The following ARHGEF3 variants were observed in gnomAD, a reference collection of about 807,000 sequenced individuals.
The protein encoded by ARHGEF3 is Rho guanine nucleotide exchange factor 3.
A neutral mutation model predicts 63.2 loss-of-function variants in ARHGEF3; 28 were observed. The ratio of observed to expected loss-of-function variants is 0.44; its 90% CI spans 0.33 to 0.61. ARHGEF3 has a LOEUF of 0.61. Among genes scored for constraint, ARHGEF3 ranks in the 20% least tolerant of loss-of-function variants. The pLI is 0.03. For synonymous variants in ARHGEF3, 266 were observed against 254.2 expected (o/e 1.05, Z -0.44); for missense variants, 533 against 659.3 (o/e 0.81, Z 2.10).
rs55778548 is a variant in ARHGEF3, at chr3:57,002,424, C to CTATATATATATATATATATATATATATA, written c.62+32663_62+32664insTATATATATATATATATATATATATATA. Among the ~76,000 whole-genome samples the CTATATATATATATATATATATATATATA allele has an allele frequency of 1.6e-3, 102 of 62,758 alleles. 5 individuals are homozygous for CTATATATATATATATATATATATATATA. The highest frequency in any genetic ancestry group is 2.0e-3 in the Non-Finnish European group (59 of 28,924). The allele number at this position is 62,758 out of a possible 152,430, so 41.2% of individuals were successfully genotyped here. A position where few individuals can be genotyped will look rare whatever the true frequency, so the allele number is the denominator to read the frequency against. On this transcript the variant is annotated intron_variant, in intron 2 of 12. Transcript: ENST00000338458. The stretch of plus-strand genomic sequence containing the variant: ...TATATGCCAGGCACTGTTCTAAGCA[C>CTATATATATATATATATATATATATATA]TATATATATATATATATGCCAGGCA...
rs200065933 is a variant in ARHGEF3, at chr3:56,838,962, A to G, written c.192+43330T>C. ...CTAGGCAACATAGTGAGACCCCCCT[A>G]TCTCTACAAAAATAAAAAAAATAAA... On this transcript the variant is annotated intron_variant, in intron 4 of 12. Transcript: ENST00000338458. Among the ~76,000 whole-genome samples the G allele has an allele frequency of 2.7e-5, 4 of 150,768 alleles. No homozygotes were observed. The East Asian group carries it at 7.8e-4, about 29-fold the overall frequency.
chr3:56,881,664 G>A (rs764789214), intron 4 of ARHGEF3, among the ~76,000 whole-genome samples: 3 of 152,094 alleles, frequency 2.0e-5, no homozygotes, highest in Non-Finnish European at 4.4e-5. Context: ...AAAAAATGAG[G>A]CAAATATTTG....
rs148755973 is a variant in ARHGEF3 at position 57,007,021 on chromosome 3, G to A, written c.62+28067C>T. On this transcript the variant is annotated intron_variant, in intron 2 of 12. Coordinates refer to the ARHGEF3 transcript ENST00000338458. Reference sequence around the variant, plus strand: ...GTTCTGCCCGTGGAGGGGCCACAGGGGGCGCTCCTGGGGCGATGGTCACAC... The same window carrying A: ...GTTCTGCCCGTGGAGGGGCCACAGGAGGCGCTCCTGGGGCGATGGTCACAC... Among the ~76,000 whole-genome samples, 65 of 152,278 alleles carry A rather than the reference G, an allele frequency of 4.3e-4. No individual in the cohort carries two copies. The East Asian group carries it at 0.012, about 27-fold the overall frequency.
At chr3:56,981,074 G>T (rs1701309772) in intron 2 of ARHGEF3, among the ~76,000 whole-genome samples, 1 of 152,324 alleles carries the variant, frequency 6.6e-6, no homozygotes, top group Admixed American at 6.5e-5. Flanking sequence ...CAGCAGAGTC[G>T]CCAAGGAGCA....
At chr3:56,839,353 TC>T (rs979958559) in intron 4 of ARHGEF3, among the ~76,000 whole-genome samples, 1 of 152,184 alleles carries the variant, frequency 6.6e-6, no homozygotes, top group African/African-American at 2.4e-5. Flanking sequence ...TTTTTTATTT[TC>T]ATTTTATTTT....
chr3:56,951,616 A>C (rs764950510), intron 3 of ARHGEF3, among the ~76,000 whole-genome samples: 5 of 151,918 alleles, frequency 3.3e-5, no homozygotes, highest in Non-Finnish European at 4.4e-5. Flanking sequence ...CATAATTTAA[A>C]AATATTTGTA....
chr3:56,996,887 A>ATTG (rs199994465), intron 2 of ARHGEF3, among the ~76,000 whole-genome samples: 1 of 102,570 alleles, frequency 9.7e-6, no homozygotes, highest in East Asian at 2.5e-4. Context: ...TATTATTATT[A>ATTG]TTATTTTTTT....
intron 4 of ARHGEF3, among the ~76,000 whole-genome samples, chr3:56,823,245 GACA>G (rs778762434): frequency 1.5e-4 from 23 of 152,236 alleles, no homozygotes; most frequent in East Asian, 7.7e-4. Flanking sequence ...GGGAAAAAAA[GACA>G]ACAGCTCAAA....
intron 4 of ARHGEF3, among the ~76,000 whole-genome samples, chr3:56,753,128 A>T (rs567751397): frequency 6.6e-6 from 1 of 152,328 alleles, no homozygotes; most frequent in Non-Finnish European, 1.5e-5. Flanking sequence ...TTGAGATTCA[A>T]ATGGCTTTAT....
At chr3:56,774,926 C>CAAA in intron 1 of ARHGEF3, 7 of 995,566 alleles carry the variant, frequency 7.0e-6, no homozygotes, top group Admixed American at 8.5e-5. Flanking sequence ...ACAACAACAA[C>CAAA]AAAAAAAAAA....
intron 7 of ARHGEF3, among the ~76,000 whole-genome samples, chr3:56,743,583 T>G (rs6798079): frequency 0.011 from 1,633 of 152,278 alleles, 31 homozygotes; most frequent in African/African-American, 0.037. Flanking sequence ...ACATAACCTA[T>G]GAGGCAAATT....
At chr3:56,965,717 C>T (rs905380113) in intron 2 of ARHGEF3, among the ~76,000 whole-genome samples, 26 of 148,330 alleles carry the variant, frequency 1.8e-4, no homozygotes, top group Admixed American at 2.7e-4. Context: ...GGCACAATCT[C>T]GGCTCACTGC....
At chr3:56,886,285 C>T (rs142248859) in intron 3 of ARHGEF3, among the ~76,000 whole-genome samples, 112 of 152,342 alleles carry the variant, frequency 7.4e-4, no homozygotes, top group African/African-American at 2.6e-3. Context: ...ACACAGCCAG[C>T]TTCCCTTAAA....
rs116308822 is a variant in ARHGEF3 at position 57,023,136 on chromosome 3, G to A, written c.62+11952C>T. Among the ~76,000 whole-genome samples the A allele has an allele frequency of 4.3e-3, 655 of 152,278 alleles. 4 individuals carry two copies. The highest frequency in any genetic ancestry group is 0.014 in the African/African-American group (599 of 41,540). On this transcript the variant is annotated intron_variant, in intron 2 of 12. Transcript: ENST00000338458. ...GTCTGTCTCTCTCACCAGAAGGTAA[G>A]CTCCATCAGGGCAGGGACCACCACA...
intron 2 of ARHGEF3, among the ~76,000 whole-genome samples, chr3:56,771,903 C>CA (rs1232279429): frequency 2.0e-5 from 3 of 152,136 alleles, no homozygotes; most frequent in Non-Finnish European, 4.4e-5. Context: ...GAAGAATTTT[C>CA]AAAAAGCAGT....
intron 2 of ARHGEF3, chr3:57,007,343 G>T (rs773234508): frequency 1.6e-6 from 2 of 1,289,730 alleles, no homozygotes; most frequent in South Asian, 2.5e-5. Flanking sequence ...AGCCCTGAAG[G>T]AAAGACAGCC....
chr3:56,951,045 G>C lies in ARHGEF3; in HGVS notation c.129+7778C>G, dbSNP rs565013663. On this transcript the variant is annotated intron_variant, in intron 3 of 12. Transcript: ENST00000338458. ...ATCGCAAGGACAAAAAACCAAACAC[G>C]GCATGTTCTCACTCATAGGTGGGAA... 2.0e-5 allele frequency among the ~76,000 whole-genome samples: 3 copies of C among 151,464 alleles called. 1 individual carries two copies. The highest frequency in any genetic ancestry group is 7.3e-5 in the African/African-American group (3 of 41,036).
intron 6 of ARHGEF3, among the ~76,000 whole-genome samples, chr3:56,745,904 C>T (rs2034355755): frequency 6.6e-6 from 1 of 152,186 alleles, no homozygotes; most frequent in Non-Finnish European, 1.5e-5. Context: ...ATCTCCTGAC[C>T]TCGTGATCCG....
At chr3:56,853,684 G>C (rs1172785916) in intron 4 of ARHGEF3, among the ~76,000 whole-genome samples, 1 of 152,132 alleles carries the variant, frequency 6.6e-6, no homozygotes, top group African/African-American at 2.4e-5. Context: ...CAAAATTAAT[G>C]AATGCTTTAA....
Sources: gnomAD v4.1 joint callset for allele counts (sites outside exome capture counted in the v4.1 genomes callset) on GRCh38, gnomAD v4.1.1 for gene constraint, MANE v1.5 for transcripts, NCBI Gene and HGNC (gene_info 2026-07-23, HGNC 2026-07-21) for gene names.